PRKCB: variants seen among roughly 807,000 people sequenced by gnomAD.
PRKCB encodes the protein protein kinase C beta type.
PRKCB carries 13 observed loss-of-function variants against 81.5 expected under a neutral mutation model. That is an observed-to-expected ratio of 0.16 (90% confidence interval 0.10 to 0.25). The LOEUF is 0.25. PRKCB is among the 10% of genes least tolerant of loss of function. The pLI is 1.00. For synonymous variants in PRKCB, 335 were observed against 321.4 expected (o/e 1.04, Z -0.45); for missense variants, 509 against 875.7 (o/e 0.58, Z 5.29).
Position 24,217,389 on chromosome 16 carries a change from A to T in PRKCB, c.*2573A>T, listed in dbSNP as rs1050620428. ...AGAAACAGAGCTTTTTGAAGAGAGG[A>T]CAGGGCCATAGCAACAAGGACCTTC... On this transcript the variant is annotated 3_prime_UTR_variant, in exon 17 of 17. Transcript: ENST00000643927. 2.0e-5 allele frequency: 20 copies of T among 985,296 alleles called. No individual in the cohort carries two copies. Among genetic ancestry groups the T allele is most frequent in the Non-Finnish European group, 2.3e-5 (19 of 829,942 alleles). 61.0% of individuals were successfully genotyped at this position (985,296 alleles called of 1,614,324 possible). A position where few individuals can be genotyped will look rare whatever the true frequency, so the allele number is the denominator to read the frequency against.
intron 9 of PRKCB, among the ~76,000 whole-genome samples, chr16:24,132,714 C>T (rs1446176580): frequency 6.6e-6 from 1 of 150,672 alleles, no homozygotes; most frequent in Admixed American, 6.6e-5. Flanking sequence ...TGAAGTCACA[C>T]AGCTAGTAAA....
At chr16:24,049,517 A>G (rs1965814701) in intron 5 of PRKCB, among the ~76,000 whole-genome samples, 2 of 149,980 alleles carry the variant, frequency 1.3e-5, no homozygotes, top group Admixed American at 1.3e-4. Flanking sequence ...ACCCTGGCAC[A>G]ACCGGGACAT....
chr16:24,215,982 A>G lies in PRKCB; in HGVS notation c.*1166A>G, dbSNP rs71379853. The G allele has an allele frequency of 3.1e-6, 3 of 971,482 alleles. No homozygotes were observed. In the African/African-American group the frequency reaches 5.7e-5, roughly 18 times the overall value. 60.2% of individuals were successfully genotyped at this position (971,482 alleles called of 1,614,324 possible). ...GCCATTTTTCTTCTAGCATCGAGATACAATAAAAAAAAAAAAAAAGAAAAG... is the reference window on the plus strand; with the variant it reads ...GCCATTTTTCTTCTAGCATCGAGATGCAATAAAAAAAAAAAAAAAGAAAAG... On this transcript the variant is annotated 3_prime_UTR_variant, in exon 17 of 17. Coordinates refer to ENST00000643927, the MANE Select transcript of PRKCB (RefSeq NM_002738.7).
At chr16:24,198,312 C>T (rs1967908330) in intron 16 of PRKCB, among the ~76,000 whole-genome samples, 1 of 152,164 alleles carries the variant, frequency 6.6e-6, no homozygotes, top group African/African-American at 2.4e-5. Context: ...TGTCACTCTT[C>T]CTCTGAAAGG....
intron 15 of PRKCB, 135 bp from the exon 16 acceptor site, chr16:24,190,955 A>G (rs957373406): frequency 1.7e-6 from 2 of 1,150,264 alleles, no homozygotes; most frequent in Non-Finnish European, 2.4e-6. Context: ...GCTGGGATAA[A>G]AAGCAAAAAA....
chr16:24,132,998 C>G (rs1038278508), intron 9 of PRKCB, among the ~76,000 whole-genome samples: 2 of 152,114 alleles, frequency 1.3e-5, no homozygotes, highest in African/African-American at 4.8e-5. Context: ...CTAGTTTTAA[C>G]AGCGATTCCG....
chr16:23,984,112 T>A (rs1964772106), intron 2 of PRKCB, among the ~76,000 whole-genome samples: 1 of 152,230 alleles, frequency 6.6e-6, no homozygotes, highest in Admixed American at 6.5e-5. Context: ...TTTTTAGCCA[T>A]AACATCTTTA....
intron 2 of PRKCB, among the ~76,000 whole-genome samples, chr16:23,930,852 A>C (rs1287653670): frequency 1.3e-5 from 2 of 150,402 alleles, no homozygotes; most frequent in African/African-American, 4.8e-5. Flanking sequence ...TGAAATTCCC[A>C]CACACAGTCA....
rs34117735 is a variant in PRKCB at position 23,950,132 on chromosome 16, ATTTTTTTTTT to A, written c.206-38359_206-38350del. Among the ~76,000 whole-genome samples the A allele has an allele frequency of 1.1e-3, 103 of 97,774 alleles. 2 individuals are homozygous for A. Among genetic ancestry groups the A allele is most frequent in the Admixed American group, 3.2e-3 (27 of 8,540 alleles). The allele number at this position is 97,774 out of a possible 152,430, so 64.1% of individuals were successfully genotyped here. ...AGCAGCATTGGCCCCTATGATTTGA[ATTTTTTTTTT>A]TTTTTTTTTTTTTTTTCTGTTGATC... is the stretch of plus-strand genomic sequence containing the variant. On this transcript the variant is annotated intron_variant, in intron 2 of 16. Transcript: ENST00000643927.
intron 2 of PRKCB, among the ~76,000 whole-genome samples, chr16:23,937,880 G>T (rs913128939): frequency 6.6e-6 from 1 of 152,168 alleles, no homozygotes; most frequent in Non-Finnish European, 1.5e-5. Context: ...ACTGCTGGTG[G>T]TGAATTGAAC....
Position 24,167,470 on chromosome 16 carries a change from G to A in PRKCB, c.1240-4800G>A, listed in dbSNP as rs780227482. On this transcript the variant is annotated intron_variant, in intron 10 of 16. Coordinates refer to ENST00000643927, the MANE Select transcript of PRKCB (RefSeq NM_002738.7). ...AGCTACTGGAGAGGCTGAGACAGGA[G>A]GATTACTTGAGCCTGGGAGGTTGAG... Among the ~76,000 whole-genome samples the A allele has an allele frequency of 1.3e-5, 2 of 152,128 alleles. 1 individual carries two copies. Among genetic ancestry groups the A allele is most frequent in the South Asian group, 4.1e-4 (2 of 4,820 alleles).
At chr16:24,032,112 T>A (rs755749392) in intron 3 of PRKCB, 24 bp from the exon 4 acceptor site, 1 of 1,546,900 alleles carries the variant, frequency 6.5e-7, no homozygotes, top group South Asian at 1.1e-5. Flanking sequence ...CGCTGGCTCC[T>A]TCTGTTGTTT....
rs1251216416 is a variant in PRKCB at position 23,982,067 on chromosome 16, TCTTTCCCTTCC to T, written c.206-6423_206-6413del. 9.6e-4 allele frequency among the ~76,000 whole-genome samples: 9 copies of T among 9,356 alleles called. No individual in the cohort carries two copies. The East Asian group carries it at 0.017, about 17-fold the overall frequency. The allele number at this position is 9,356 out of a possible 152,430, so 6.1% of individuals were successfully genotyped here. A position where few individuals can be genotyped will look rare whatever the true frequency, so the allele number is the denominator to read the frequency against. On this transcript the variant is annotated intron_variant, in intron 2 of 16. Transcript: ENST00000643927. ...TCCCCTTCCCTTTCCCTTCCCCTTCTCTTTCCCTTCCCTTTCCCTTCCCTTTCCTTTTCCCT... is the reference window on the plus strand; with the variant it reads ...TCCCCTTCCCTTTCCCTTCCCCTTCTCTTTCCCTTCCCTTTCCTTTTCCCT...
chr16:24,068,688 A>G (rs1966071720), intron 5 of PRKCB, among the ~76,000 whole-genome samples: 1 of 152,222 alleles, frequency 6.6e-6, no homozygotes, highest in South Asian at 2.1e-4. Flanking sequence ...TAAAAATTGA[A>G]TGTTAACATG....
intron 5 of PRKCB, among the ~76,000 whole-genome samples, chr16:24,042,888 CCA>C (rs1158074043): frequency 1.3e-5 from 2 of 152,126 alleles, no homozygotes; most frequent in Admixed American, 6.5e-5. Flanking sequence ...CAGGCATGAG[CCA>C]CCACACTCAG....
At chr16:24,160,799 G>T (rs1389963564) in intron 10 of PRKCB, among the ~76,000 whole-genome samples, 1 of 152,106 alleles carries the variant, frequency 6.6e-6, no homozygotes, top group African/African-American at 2.4e-5. Context: ...TCTCTGATAA[G>T]GATGACATCT....
At chr16:24,108,721 G>A (rs1966613956) in intron 7 of PRKCB, among the ~76,000 whole-genome samples, 1 of 150,552 alleles carries the variant, frequency 6.6e-6, no homozygotes, top group Non-Finnish European at 1.5e-5. Context: ...TCTTAGTACA[G>A]AACAAAATGA....
At chr16:23,974,840 C>T (rs747966094) in intron 2 of PRKCB, among the ~76,000 whole-genome samples, 6 of 152,054 alleles carry the variant, frequency 3.9e-5, no homozygotes, top group East Asian at 3.9e-4. Flanking sequence ...GTGGCAGGAG[C>T]GAATGGATGA....
intron 9 of PRKCB, among the ~76,000 whole-genome samples, chr16:24,142,757 C>A (rs943386009): frequency 6.6e-6 from 1 of 152,154 alleles, no homozygotes. Flanking sequence ...ATCTGACCTA[C>A]CCTCTGCAGG....
Sources: gnomAD v4.1 joint callset for allele counts (sites outside exome capture counted in the v4.1 genomes callset) on GRCh38, gnomAD v4.1.1 for gene constraint, MANE v1.5 for transcripts, NCBI Gene and HGNC (gene_info 2026-07-23, HGNC 2026-07-21) for gene names.